OIP5: variants seen among roughly 807,000 people sequenced by gnomAD.
The protein encoded by OIP5 is Opa interacting protein 5.
Under a neutral mutation model 20.3 loss-of-function variants are expected in OIP5, and 24 were observed. The ratio of observed to expected loss-of-function variants is 1.18; its 90% CI spans 0.86 to 1.66. The LOEUF is 1.66. Ranked by LOEUF, OIP5 falls within the 40% of genes most tolerant of loss-of-function variation. The pLI is 0.00. For synonymous variants in OIP5, 143 were observed against 121.3 expected (o/e 1.18, Z -1.17); for missense variants, 339 against 289.5 (o/e 1.17, Z -1.24).
chr15:41,327,160 T>TTA (rs2047867071), intron 2 of OIP5, among the ~76,000 whole-genome samples: 1 of 151,824 alleles, frequency 6.6e-6, no homozygotes, highest in African/African-American at 2.4e-5. Context: ...CTGGGGCTTA[T>TTA]TATAGTGTTT....
chr15:41,329,440 C>T (rs1053073119), intron 2 of OIP5, among the ~76,000 whole-genome samples: 1 of 151,688 alleles, frequency 6.6e-6, no homozygotes, highest in Non-Finnish European at 1.5e-5. Context: ...CTCAGCCTCC[C>T]AAGTAGCTGG....
intron 2 of OIP5, among the ~76,000 whole-genome samples, chr15:41,323,942 A>G (rs1436784239): frequency 7.0e-6 from 1 of 142,786 alleles, no homozygotes; most frequent in Non-Finnish European, 1.5e-5. Context: ...GACTTTTGTT[A>G]TGGAGAAGGT....
intron 4 of OIP5, among the ~76,000 whole-genome samples, chr15:41,312,722 C>T (rs148200829): frequency 0.021 from 3,144 of 150,434 alleles, 54 homozygotes; most frequent in Non-Finnish European, 0.031. Flanking sequence ...CTCCACCTCC[C>T]AGTTCAAGCA....
At chr15:41,310,158 G>C (rs77683997) in intron 4 of OIP5, among the ~76,000 whole-genome samples, 2,448 of 152,314 alleles carry the variant, frequency 0.016, 81 homozygotes, top group African/African-American at 0.056. Context: ...ACCACACCAA[G>C]ATGGATATCT....
At chr15:41,319,094 A>G (rs938670519) in intron 3 of OIP5, among the ~76,000 whole-genome samples, 3 of 150,024 alleles carry the variant, frequency 2.0e-5, no homozygotes, top group Non-Finnish European at 4.4e-5. Flanking sequence ...TTTTTGAGAC[A>G]GAGTCTTGTT....
intron 2 of OIP5, among the ~76,000 whole-genome samples, chr15:41,327,617 G>A (rs939216757): frequency 1.4e-4 from 21 of 151,822 alleles, no homozygotes; most frequent in South Asian, 4.2e-4. Flanking sequence ...GTGAAACCCC[G>A]TCTCTACTAA....
Position 41,332,540 on chromosome 15 carries a change from G to T in OIP5, c.22C>A (p.His8Asn). 1 of 1,607,584 alleles carries T rather than the reference G, an allele frequency of 6.2e-7. No individual in the cohort carries two copies. Among genetic ancestry groups the T allele is most frequent in the East Asian group, 2.2e-5 (1 of 44,838 alleles). MAAQPLR[H>N]RSRCATPPRG... is the part of the protein sequence containing the mutation. ...GGCGGCGTTGCACAACGTGAGCGAT[G>T]CCGCAGCGGCTGAGCCGCCATCTTC... The change falls in exon 1 of 5, where the codon CAT becomes AAT. Residue 8 changes from histidine (H) to asparagine (N), a missense_variant. Coordinates refer to ENST00000220514, the MANE Select transcript of OIP5 (RefSeq NM_007280.2).
chr15:41,326,134 C>A (rs2047860501), intron 2 of OIP5, among the ~76,000 whole-genome samples: 1 of 152,122 alleles, frequency 6.6e-6, no homozygotes, highest in Non-Finnish European at 1.5e-5. Context: ...TGGACTCTAG[C>A]CTAGGTGACA....
chr15:41,313,894 C>A (rs2047774152), intron 3 of OIP5, among the ~76,000 whole-genome samples: 1 of 151,902 alleles, frequency 6.6e-6, no homozygotes, highest in African/African-American at 2.4e-5. Context: ...AAAACAAATT[C>A]AAAAATAAAC....
intron 2 of OIP5, among the ~76,000 whole-genome samples, chr15:41,323,153 C>A (rs1228633239): frequency 1.3e-5 from 2 of 151,990 alleles, no homozygotes; most frequent in African/African-American, 4.8e-5. Context: ...TTAATTAATT[C>A]AGACAAAGCA....
chr15:41,327,077 TAA>T (rs199500490), intron 2 of OIP5, among the ~76,000 whole-genome samples: 43 of 143,892 alleles, frequency 3.0e-4, no homozygotes, highest in African/African-American at 6.1e-4. Flanking sequence ...CTCCAGGAAT[TAA>T]AAAAAAAAAA....
Position 41,329,793 on chromosome 15 carries a change from C to A in OIP5, c.389+2122G>T, listed in dbSNP as rs1380924757. On this transcript the variant is annotated intron_variant, in intron 2 of 4. Coordinates refer to ENST00000220514, the MANE Select transcript of OIP5 (RefSeq NM_007280.2). ...CTTGGCTCACTGCAACCCCCGCCTA[C>A]CAGATTCAAGCAATTCTCTGCCTCA... is the stretch of plus-strand genomic sequence containing the variant. 5.9e-5 allele frequency among the ~76,000 whole-genome samples: 9 copies of A among 151,916 alleles called. No homozygotes were observed. In the South Asian group the frequency reaches 1.9e-3, roughly 32 times the overall value.
At position 41,324,917 on chromosome 15, in the gene OIP5, G is replaced by A. The variant is rs144372325; in HGVS notation, c.390-5137C>T. Among the ~76,000 whole-genome samples, 22 of 152,184 alleles carry A rather than the reference G, an allele frequency of 1.4e-4. No individual in the cohort carries two copies. In the East Asian group the frequency reaches 3.9e-3, roughly 27 times the overall value. On this transcript the variant is annotated intron_variant, in intron 2 of 4. Transcript: ENST00000220514. ...TTTTTCTTTCACTTGAACACTTAAA[G>A]GCCATTGTTGGGTTATTAATTGGCC...
chr15:41,323,810 A>G (rs867537456), intron 2 of OIP5, among the ~76,000 whole-genome samples: 25 of 152,034 alleles, frequency 1.6e-4, no homozygotes, highest in Middle Eastern at 6.8e-3. Context: ...TCTACCTATG[A>G]AAGTCTGAGA....
intron 2 of OIP5, among the ~76,000 whole-genome samples, chr15:41,325,504 C>G (rs1232635472): frequency 1.3e-5 from 2 of 151,318 alleles, no homozygotes. Flanking sequence ...TGTCAACAGA[C>G]TTGCTCAACA....
chr15:41,327,553 G>A (rs1198187417), intron 2 of OIP5, among the ~76,000 whole-genome samples: 1 of 149,962 alleles, frequency 6.7e-6, no homozygotes, highest in Non-Finnish European at 1.5e-5. Flanking sequence ...ACTTTGGGAG[G>A]CTGAGGTGGG....
At chr15:41,324,515 G>T (rs780631467) in intron 2 of OIP5, among the ~76,000 whole-genome samples, 1 of 152,088 alleles carries the variant, frequency 6.6e-6, no homozygotes, top group Non-Finnish European at 1.5e-5. Flanking sequence ...GTTTGATGGA[G>T]TTTCGCTCTT....
intron 3 of OIP5, among the ~76,000 whole-genome samples, chr15:41,317,701 C>T (rs767007717): frequency 6.6e-6 from 1 of 151,768 alleles, no homozygotes; most frequent in Non-Finnish European, 1.5e-5. Context: ...TTTTAAGAGA[C>T]AGGGTCTTGC....
intron 3 of OIP5, among the ~76,000 whole-genome samples, chr15:41,314,278 T>A (rs372455544): frequency 2.7e-4 from 41 of 152,182 alleles, no homozygotes; most frequent in African/African-American, 9.4e-4. Flanking sequence ...ATTTTTGTAT[T>A]TTTAGTAGAG....
Sources: gnomAD v4.1 joint callset for allele counts (sites outside exome capture counted in the v4.1 genomes callset) on GRCh38, gnomAD v4.1.1 for gene constraint, MANE v1.5 for transcripts, NCBI Gene and HGNC (gene_info 2026-07-23, HGNC 2026-07-21) for gene names.